ANKRD11: variants seen among roughly 807,000 people sequenced by gnomAD.
ANKRD11 encodes ankyrin repeat domain 11, also known as ankyrin repeat domain-containing protein 11.
Under a neutral mutation model 195.7 loss-of-function variants are expected in ANKRD11, and 17 were observed. The ratio of observed to expected loss-of-function variants is 0.09; its 90% CI spans 0.06 to 0.13. The LOEUF (loss-of-function observed/expected upper bound fraction) is 0.13. ANKRD11 is among the 10% of genes least tolerant of loss of function. The probability of loss-of-function intolerance (pLI) is 1.00; values close to 1 mark genes in which losing one functional copy is unlikely to be tolerated. For synonymous variants in ANKRD11, 1,953 were observed against 1,528.1 expected (o/e 1.28, Z -6.49); for missense variants, 3,735 against 3,566.1 (o/e 1.05, Z -1.21).
chr16:89,479,976 T>C (rs964353344), intron 1 of ANKRD11, among the ~76,000 whole-genome samples: 2 of 149,128 alleles, frequency 1.3e-5, no homozygotes, highest in Non-Finnish European at 3.0e-5. Flanking sequence ...CCGGGCGTGA[T>C]GGCACACACC....
rs373772837 is a variant in ANKRD11, at chr16:89,285,189, T to A, written c.1353A>T (p.Lys451Asn). 6.2e-7 allele frequency: 1 copy of A among 1,613,470 alleles called. No individual in the cohort carries two copies. The highest frequency in any genetic ancestry group is 1.3e-5 in the African/African-American group (1 of 74,932). Residue 451 changes from lysine (K) to asparagine (N), a missense_variant, in exon 9 of 13, where the codon AAA (lysine) becomes AAT (asparagine). Lys to Asn is a moderately conservative substitution (Grantham distance 94). Coordinates refer to ENST00000301030, the MANE Select transcript of ANKRD11 (RefSeq NM_013275.6). This position sits in a 1 kb window ranked among gnomAD's most constrained non-coding sequence, Gnocchi z 5.6. The part of the protein sequence containing the change: ...EPSNAKQQKE[K>N]NKVKKKRKKE... ...TCTTTCGCTTCTTTTTCACTTTATT[T>A]TTTTCCTTCTGCTGCTTGGCATTAG... is the stretch of plus-strand genomic sequence containing the variant.
At chr16:89,325,760 CAG>C (rs1255178902) in intron 2 of ANKRD11, among the ~76,000 whole-genome samples, 1 of 152,154 alleles carries the variant, frequency 6.6e-6, no homozygotes, top group Non-Finnish European at 1.5e-5. Context: ...CAGAAGGTGA[CAG>C]AGATAAAGGC....
intron 2 of ANKRD11, among the ~76,000 whole-genome samples, chr16:89,334,609 C>G (rs2038252237): frequency 6.6e-6 from 1 of 152,124 alleles, no homozygotes; most frequent in Non-Finnish European, 1.5e-5. Flanking sequence ...CAGACCCTGA[C>G]CCAGAGCAAG....
intron 2 of ANKRD11, chr16:89,320,479 G>T (rs1321456833): frequency 6.6e-6 from 1 of 152,260 alleles, no homozygotes; most frequent in Non-Finnish European, 1.5e-5. Context: ...ACAGCCGCGG[G>T]AAGGTAAACG....
chr16:89,305,414 C>CTT lies in ANKRD11; in HGVS notation c.88-71_88-70insAA, dbSNP rs1567614583. 1,250 of 1,604,684 alleles carry CTT rather than the reference C, an allele frequency of 7.8e-4. 9 individuals carry two copies. In the African/African-American group the frequency reaches 0.016, roughly 20 times the overall value. On this transcript the variant is annotated intron_variant, in intron 3 of 12. Transcript: ENST00000301030. ...TTCTCAAGCTCTCAAGATTTTGTTT[C>CTT]ATATGCCAGGAGAAGCGCATCTCTT...
intron 2 of ANKRD11, among the ~76,000 whole-genome samples, chr16:89,395,202 A>G (rs1193667411): frequency 1.3e-5 from 2 of 152,240 alleles, no homozygotes; most frequent in African/African-American, 4.8e-5. Flanking sequence ...GTCAATTTTA[A>G]GGCAGCGTCT....
chr16:89,442,683 T>C lies in ANKRD11; in HGVS notation c.-144-24315A>G, dbSNP rs77569182. Among the ~76,000 whole-genome samples, 269 of 152,334 alleles carry C rather than the reference T, an allele frequency of 1.8e-3. 11 individuals carry two copies. The East Asian group carries it at 0.046, about 26-fold the overall frequency. Reference sequence around the variant, plus strand: ...CACAAAGGCCAGGTGCTGACACGGTTAGTCCTTTCCTCCCCACCACCCACC... The same window carrying C: ...CACAAAGGCCAGGTGCTGACACGGTCAGTCCTTTCCTCCCCACCACCCACC... On this transcript the variant is annotated intron_variant, in intron 1 of 12. Transcript: ENST00000301030.
intron 1 of ANKRD11, among the ~76,000 whole-genome samples, chr16:89,473,344 G>T (rs1366652928): frequency 6.6e-6 from 1 of 152,190 alleles, no homozygotes; most frequent in African/African-American, 2.4e-5. Context: ...GAGAATAGAG[G>T]TGGAGAAAGA....
intron 2 of ANKRD11, among the ~76,000 whole-genome samples, chr16:89,376,473 C>T (rs1307465915): frequency 3.3e-5 from 5 of 152,214 alleles, no homozygotes; most frequent in Non-Finnish European, 5.9e-5. Context: ...ACTCTTGTTC[C>T]GTCACCCAGG....
intron 2 of ANKRD11, among the ~76,000 whole-genome samples, chr16:89,332,685 C>T (rs1023734142): frequency 5.3e-5 from 8 of 152,212 alleles, no homozygotes; most frequent in African/African-American, 1.7e-4. Context: ...GCGCTGAGAC[C>T]AGGCAGGGCT....
chr16:89,339,046 G>A (rs1381990348), intron 2 of ANKRD11, among the ~76,000 whole-genome samples: 2 of 152,124 alleles, frequency 1.3e-5, no homozygotes, highest in African/African-American at 4.8e-5. Context: ...CTCGTGACCT[G>A]AGTCTCTAAA....
intron 2 of ANKRD11, among the ~76,000 whole-genome samples, chr16:89,396,711 G>C (rs940102278): frequency 2.6e-5 from 4 of 152,164 alleles, no homozygotes; most frequent in Non-Finnish European, 5.9e-5. Context: ...TTTTGGGACG[G>C]AGTTTTACTC....
At chr16:89,331,866 C>A (rs1347728467) in intron 2 of ANKRD11, among the ~76,000 whole-genome samples, 1 of 150,870 alleles carries the variant, frequency 6.6e-6, no homozygotes, top group Non-Finnish European at 1.5e-5. Flanking sequence ...GGTGTGGACT[C>A]GGGTTTGGTT....
intron 3 of ANKRD11, among the ~76,000 whole-genome samples, chr16:89,312,801 T>G (rs2036683199): frequency 1.3e-5 from 2 of 152,186 alleles, no homozygotes; most frequent in Non-Finnish European, 2.9e-5. Context: ...AACCACAGCC[T>G]GAGGTGGGAC....
chr16:89,329,877 G>A (rs573829797), intron 2 of ANKRD11, among the ~76,000 whole-genome samples: 22 of 152,162 alleles, frequency 1.4e-4, no homozygotes, highest in African/African-American at 4.3e-4. Context: ...ATGGTGGTGC[G>A]TGCCTGTAAT....
intron 2 of ANKRD11, among the ~76,000 whole-genome samples, chr16:89,379,547 C>T (rs1346660266): frequency 6.6e-6 from 1 of 152,174 alleles, no homozygotes; most frequent in African/African-American, 2.4e-5. Flanking sequence ...AGCTCAGTCA[C>T]GGCTCACTGC....
In ANKRD11 at chr16:89,280,698, A is replaced by G; in HGVS notation, c.5844T>C (p.Val1948=). ...CCTGCTCGGAGGGGTGGGCCCACTC[A>G]ACGGGCTCCTCGGTGATGACGGCGC... ...PFSAVITEEP[V]EWAHPSEQAL... is the part of the protein sequence containing the mutation. The change falls in exon 9 of 13, where the codon GTT becomes GTC. Residue 1948 remains valine (V), a synonymous_variant. Coordinates refer to ENST00000301030, the MANE Select transcript of ANKRD11 (RefSeq NM_013275.6). 6.2e-7 allele frequency: 1 copy of G among 1,613,184 alleles called. No individual in the cohort carries two copies. Among genetic ancestry groups the G allele is most frequent in the Non-Finnish European group, 8.5e-7 (1 of 1,179,844 alleles).
At chr16:89,312,707 C>T (rs756799590) in intron 3 of ANKRD11, among the ~76,000 whole-genome samples, 21 of 152,236 alleles carry the variant, frequency 1.4e-4, no homozygotes, top group Non-Finnish European at 2.2e-4. Context: ...CGCCATCAGA[C>T]ACGGCCTCCT....
Position 89,283,035 on chromosome 16 carries a change from G to A in ANKRD11, c.3507C>T (p.Asp1169=). The change falls in exon 9 of 13, where the codon GAC becomes GAT. Residue 1169 remains aspartate, a synonymous_variant. Coordinates refer to ENST00000301030, the MANE Select transcript of ANKRD11 (RefSeq NM_013275.6). The surrounding 1 kb of genome is among the most constrained non-coding windows in gnomAD (Gnocchi z 4.3). ...CCTTCTGCCTCTCAGGGTGCTGCTT[G>A]TCAGAAGACTTCCTGTGTCTGTCGG... The part of the protein sequence containing the change: ...YASDRHRKSS[D]KQHPERQKDK... 2 of 1,613,802 alleles carry A rather than the reference G, an allele frequency of 1.2e-6. No homozygotes were observed. Among genetic ancestry groups the A allele is most frequent in the Non-Finnish European group, 1.7e-6 (2 of 1,180,024 alleles).
Sources: allele counts gnomAD v4.1 joint callset (sites outside exome capture counted in the v4.1 genomes callset), GRCh38; gene constraint gnomAD v4.1.1; non-coding constraint Gnocchi (gnomAD v3.1); transcripts MANE v1.5; gene names NCBI Gene and HGNC (gene_info 2026-07-23, HGNC 2026-07-21).